The following MUS81 variants were observed in gnomAD, a reference collection of about 807,000 sequenced individuals.
The protein encoded by MUS81 is structure-specific endonuclease subunit MUS81.
In MUS81, 69 loss-of-function variants were observed where a neutral mutation model predicts 74.2. The observed-to-expected ratio is 0.93, with a 90% CI of 0.77 to 1.14. The LOEUF (loss-of-function observed/expected upper bound fraction) is 1.14, where lower values mean the gene tolerates loss of function less well. MUS81 is among the 50% of genes most tolerant of loss of function. The pLI is 0.00. For synonymous variants in MUS81, 303 were observed against 300.6 expected (o/e 1.01, Z -0.08); for missense variants, 711 against 726.5 (o/e 0.98, Z 0.25).
Position 65,862,445 on chromosome 11 carries a change from T to A in MUS81, c.521T>A (p.Val174Glu). The A allele has an allele frequency of 6.2e-7, 1 of 1,613,156 alleles. No individual in the cohort carries two copies. The highest frequency in any genetic ancestry group is 8.5e-7 in the Non-Finnish European group (1 of 1,179,246). Residue 174 changes from valine (V) to glutamate (E), a missense_variant and splice_region_variant, in exon 6 of 16, where the codon GTA becomes GAA. Physicochemically the swap from Val to Glu is moderately radical, Grantham distance 121. Transcript: ENST00000308110. ...LQRCAQKSPR[V>E]APGSARPWPA... ...GAGGGTCTCTTTTCTGATCCACAGGTAGCCCCTGGGAGTGCTCGACCCTGG... is the reference window on the plus strand; with the variant it reads ...GAGGGTCTCTTTTCTGATCCACAGGAAGCCCCTGGGAGTGCTCGACCCTGG...
intron 14 of MUS81, 82 bp downstream of exon 14, chr11:65,865,405 G>A: frequency 2.9e-6 from 4 of 1,394,696 alleles, no homozygotes; most frequent in South Asian, 2.7e-5. Context: ...TTCGTGGAGG[G>A]GGCCTGGCCT....
At chr11:65,866,548 T>G, downstream of MUS81, 1 of 702,888 alleles carries the variant, frequency 1.4e-6, no homozygotes, top group African/African-American at 1.7e-5. Flanking sequence ...CAGGGCCTCC[T>G]GGCGCTGTCC....
chr11:65,861,256 C>T, intron 2 of MUS81, 94 bp from the exon 3 acceptor site: 2 of 1,532,822 alleles, frequency 1.3e-6, no homozygotes, highest in Non-Finnish European at 1.8e-6. Flanking sequence ...GCCTCCCTCA[C>T]CGGTCTCACG....
rs1565267260 is a variant in MUS81 at position 65,863,404 on chromosome 11, A to G, written c.747-6A>G. 1 of 1,614,060 alleles carries G rather than the reference A, an allele frequency of 6.2e-7. No individual in the cohort carries two copies. On this transcript the variant is annotated splice_polypyrimidine_tract_variant and splice_region_variant and intron_variant, in intron 7 of 15. Transcript: ENST00000308110. ...CTGGCCTCACATACCAACACCCCCC[A>G]CTTAGTGCCAGTGAAGCAGGGGTCC... is the stretch of plus-strand genomic sequence containing the variant.
rs1158961343 is a variant in MUS81, at chr11:65,863,137, T to A, written c.678T>A (p.Asn226Lys). 6.2e-7 allele frequency: 1 copy of A among 1,614,040 alleles called. No individual in the cohort carries two copies. Among genetic ancestry groups the A allele is most frequent in the South Asian group, 1.1e-5 (1 of 91,082 alleles). ...AGTCAGAAGGCCTGAGCTTGCTGAA[T>A]GTGGGCATCGGGCCCAAGGAGCCCC... Reference protein sequence around the residue: ...LAESEGLSLLNVGIGPKEPPG... With the variant: ...LAESEGLSLLKVGIGPKEPPG... Residue 226 changes from asparagine (N) to lysine (K), a missense_variant, in exon 7 of 16, where the codon AAT (asparagine) becomes AAA (lysine). Transcript: ENST00000308110.
chr11:65,867,452 C>G (rs1176753718), downstream of MUS81: 2 of 427,796 alleles, frequency 4.7e-6, no homozygotes, highest in East Asian at 4.9e-5. Context: ...ACTAGACAAA[C>G]CCCTTCTCCT....
chr11:65,865,770 G>A, intron 14 of MUS81, 41 bp from the exon 15 acceptor site: 1 of 1,600,938 alleles, frequency 6.2e-7, no homozygotes, highest in African/African-American at 1.3e-5. Context: ...GCCCAGAGTG[G>A]GCCACTGTCA....
rs906610246 is a variant in MUS81, at chr11:65,865,066, C to T, written c.1322C>T (p.Ser441Leu). ...RPWGTPGNPE[S>L]GAMTSPNPLC... ...TGGGGAACCCCTGGGAACCCTGAAT[C>T]AGGGGCCATGACCTCTCCAAACCCT... The change falls in exon 13 of 16, where the codon TCA becomes TTA. Residue 441 changes from serine to leucine, a missense_variant. Physicochemically the swap from Ser to Leu is moderately radical, Grantham distance 145 (BLOSUM62 -2). Transcript: ENST00000308110. The T allele has an allele frequency of 1.2e-6, 2 of 1,614,116 alleles. No homozygotes were observed. Among genetic ancestry groups the T allele is most frequent in the Non-Finnish European group, 1.7e-6 (2 of 1,180,018 alleles).
At position 65,863,137 on chromosome 11, in the gene MUS81, T is replaced by C. The variant is rs1158961343; in HGVS notation, c.678T>C (p.Asn226=). 8 of 1,613,922 alleles carry C rather than the reference T, an allele frequency of 5.0e-6. No individual in the cohort carries two copies. The South Asian group carries it at 7.7e-5, about 16-fold the overall frequency. Residue 226 remains asparagine (N), a synonymous_variant, in exon 7 of 16, where the codon AAT becomes AAC. Coordinates refer to ENST00000308110, the MANE Select transcript of MUS81 (RefSeq NM_025128.5). ...LAESEGLSLL[N]VGIGPKEPPG... ...AGTCAGAAGGCCTGAGCTTGCTGAA[T>C]GTGGGCATCGGGCCCAAGGAGCCCC...
chr11:65,867,141 C>T, downstream of MUS81: 1 of 1,601,044 alleles, frequency 6.2e-7, no homozygotes, highest in Non-Finnish European at 8.5e-7. Flanking sequence ...GGCCCCTGCC[C>T]CAGCGTCACC....
chr11:65,861,956 C>T lies in MUS81; in HGVS notation c.361C>T (p.Gln121Ter), dbSNP rs1375886241. ...VQDSSMPVPAQPKAGGSGSYW... is the reference protein window; with the variant it reads ...VQDSSMPVPA ...CCTCTGTACCTTTCAGGTTCCTGCC[C>T]AGCCCAAAGCGGGAGGCTCTGGCAG... The change falls in exon 4 of 16, where the codon CAG becomes TAG. Residue 121 changes from glutamine (Q) to a stop codon, truncating the protein, a stop_gained. Coordinates refer to ENST00000308110, the MANE Select transcript of MUS81 (RefSeq NM_025128.5). LOFTEE classifies it high-confidence loss of function. 5.0e-6 allele frequency: 8 copies of T among 1,609,664 alleles called. No individual in the cohort carries two copies. Among genetic ancestry groups the T allele is most frequent in the East Asian group, 2.2e-5 (1 of 44,746 alleles).
Position 65,865,905 on chromosome 11 carries a change from G to T in MUS81, c.1589+11G>T. On this transcript the variant is annotated intron_variant, in intron 15 of 15. Coordinates refer to ENST00000308110, the MANE Select transcript of MUS81 (RefSeq NM_025128.5). The stretch of plus-strand genomic sequence containing the variant: ...TGGGCGTCTACAGAGGTGAGGGCAA[G>T]AGACGGAACCTGGAGGGAGTGGCAG... 1.2e-6 allele frequency: 2 copies of T among 1,614,166 alleles called. No homozygotes were observed. Among genetic ancestry groups the T allele is most frequent in the Non-Finnish European group, 1.7e-6 (2 of 1,179,994 alleles).
upstream of MUS81, chr11:65,859,963 G>T (rs548667712): frequency 1.6e-4 from 33 of 210,232 alleles, no homozygotes; most frequent in African/African-American, 7.5e-4. Flanking sequence ...CCAACTGCCA[G>T]GATGCCCAAG....
downstream of MUS81, chr11:65,866,675 G>A (rs528615507): frequency 5.7e-6 from 4 of 705,426 alleles, no homozygotes; most frequent in South Asian, 4.4e-5. Flanking sequence ...AGCTCGTGGT[G>A]CAGAGCTCCC....
chr11:65,863,262 C>T (rs886492290), intron 7 of MUS81, 57 bp downstream of exon 7: 2 of 1,582,670 alleles, frequency 1.3e-6, no homozygotes, highest in Non-Finnish European at 1.7e-6. Context: ...GGAAATGAGG[C>T]CAAAGCCCCG....
chr11:65,865,747 C>G (rs2134740902), intron 14 of MUS81, 64 bp from the exon 15 acceptor site: 1 of 1,531,202 alleles, frequency 6.5e-7, no homozygotes, highest in East Asian at 2.2e-5. Context: ...CTGCCTGGCC[C>G]CTCATGGTGC....
At chr11:65,862,775 T>C (rs1015480131) in intron 6 of MUS81, among the ~76,000 whole-genome samples, 1 of 152,162 alleles carries the variant, frequency 6.6e-6, no homozygotes, top group African/African-American at 2.4e-5. Context: ...GTTTTAGGAT[T>C]TGGCGGGTAG....
intron 3 of MUS81, chr11:65,861,722 G>A (rs1859613967): frequency 1.6e-6 from 1 of 607,508 alleles, no homozygotes; most frequent in Admixed American, 3.0e-5. Flanking sequence ...TGCAGCGCAT[G>A]GTAGAAGTGA....
downstream of MUS81, chr11:65,866,653 CG>C (rs1859847708): frequency 1.4e-6 from 1 of 703,656 alleles, no homozygotes; most frequent in Admixed American, 2.0e-5. Flanking sequence ...CCTCTCCTCT[CG>C]GGGTGACTGA....
Sources: allele counts gnomAD v4.1 joint callset (sites outside exome capture counted in the v4.1 genomes callset), GRCh38; gene constraint gnomAD v4.1.1; transcripts MANE v1.5; gene names NCBI Gene and HGNC (gene_info 2026-07-23, HGNC 2026-07-21).